ANKRD30BL: variants seen among roughly 807,000 people sequenced by gnomAD.
ANKRD30BL encodes putative ankyrin repeat domain-containing protein 30B-like.
A neutral mutation model predicts 18.4 loss-of-function variants in ANKRD30BL; 20 were observed. That is an observed-to-expected ratio of 1.09 (90% CI 0.77 to 1.58). The LOEUF is 1.58. Among genes scored for constraint, ANKRD30BL ranks in the 40% most tolerant of loss-of-function variants. ANKRD30BL has a pLI of 0.00. For synonymous variants in ANKRD30BL, 72 were observed against 100.9 expected, an observed-to-expected ratio of 0.71 and a Z score of 1.72; for missense variants, 224 against 268.6, an observed-to-expected ratio of 0.83 and a Z score of 1.16.
intron 1 of ANKRD30BL, among the ~76,000 whole-genome samples, chr2:132,185,854 A>G (rs908962723): frequency 3.9e-5 from 6 of 152,196 alleles, no homozygotes; most frequent in African/African-American, 7.2e-5. Flanking sequence ...AAATAATTAA[A>G]AAAGAGCCAG....
chr2:132,253,757 A>G (rs1033602395), intron 1 of ANKRD30BL, among the ~76,000 whole-genome samples: 1 of 145,700 alleles, frequency 6.9e-6, no homozygotes, highest in Admixed American at 6.8e-5. Flanking sequence ...GGGTCCTTAA[A>G]CCTCTGCACC....
intron 1 of ANKRD30BL, among the ~76,000 whole-genome samples, chr2:132,250,900 C>T (rs1680632221): frequency 6.6e-6 from 1 of 152,104 alleles, no homozygotes; most frequent in African/African-American, 2.4e-5. Context: ...TATTCAATCA[C>T]TTTTCATTTT....
chr2:132,221,016 C>A (rs1478448684), intron 1 of ANKRD30BL, among the ~76,000 whole-genome samples: 1 of 145,542 alleles, frequency 6.9e-6, no homozygotes, highest in African/African-American at 2.6e-5. Flanking sequence ...GCCCCGCCGC[C>A]CTGTCTGGGA....
intron 1 of ANKRD30BL, among the ~76,000 whole-genome samples, chr2:132,249,125 G>C (rs112746343): frequency 3.3e-5 from 5 of 152,118 alleles, no homozygotes; most frequent in Admixed American, 1.3e-4. Flanking sequence ...TTTATGTGAA[G>C]ATATTTCCTT....
At chr2:132,220,860 G>A (rs1315242793) in intron 1 of ANKRD30BL, among the ~76,000 whole-genome samples, 1 of 150,482 alleles carries the variant, frequency 6.6e-6, no homozygotes, top group African/African-American at 2.4e-5. Flanking sequence ...CTGCCTGGCT[G>A]CCCAGTCTGG....
chr2:132,175,714 G>A (rs1319530793), intron 1 of ANKRD30BL, among the ~76,000 whole-genome samples: 2 of 152,202 alleles, frequency 1.3e-5, no homozygotes, highest in Non-Finnish European at 2.9e-5. Context: ...AGGTCCCTGC[G>A]GCTTTCCGCA....
chr2:132,231,314 G>A (rs896486557), intron 1 of ANKRD30BL, among the ~76,000 whole-genome samples: 1 of 152,134 alleles, frequency 6.6e-6, no homozygotes, highest in Non-Finnish European at 1.5e-5. Context: ...CATTGAAAAC[G>A]GGAATGTCGA....
chr2:132,234,755 G>T (rs1169224149), intron 1 of ANKRD30BL, among the ~76,000 whole-genome samples: 1 of 152,074 alleles, frequency 6.6e-6, no homozygotes, highest in Non-Finnish European at 1.5e-5. Flanking sequence ...TCTACCAGAG[G>T]TACAAGGAGG....
chr2:132,233,932 G>T (rs1680085455), intron 1 of ANKRD30BL, among the ~76,000 whole-genome samples: 1 of 152,020 alleles, frequency 6.6e-6, no homozygotes, highest in South Asian at 2.1e-4. Context: ...CCACACAGTT[G>T]GAAGTAAAGC....
At chr2:132,218,443 G>C (rs1679572395) in intron 1 of ANKRD30BL, among the ~76,000 whole-genome samples, 1 of 150,712 alleles carries the variant, frequency 6.6e-6, no homozygotes, top group African/African-American at 2.4e-5. Context: ...GAGGCCTATG[G>C]TGGAAAAGGT....
chr2:132,221,118 C>T lies in ANKRD30BL; in HGVS notation n.441+36411G>A, dbSNP rs578059654. ...CCCGTCTGAGAAGTGAGGAGCCCCT[C>T]CGTCCAGCAGCCACCCCGTCTGGGA... is the stretch of plus-strand genomic sequence containing the variant. On this transcript the variant is annotated intron_variant and non_coding_transcript_variant, in intron 1 of 4. Transcript: ENST00000470729. 2.6e-4 allele frequency among the ~76,000 whole-genome samples: 39 copies of T among 148,324 alleles called. No homozygotes were observed. The South Asian group carries it at 4.6e-3, about 17-fold the overall frequency.
intron 1 of ANKRD30BL, among the ~76,000 whole-genome samples, chr2:132,251,184 CAGGGATGTCTT>C (rs1680638077): frequency 6.6e-6 from 1 of 152,154 alleles, no homozygotes; most frequent in African/African-American, 2.4e-5. Flanking sequence ...GCAAAAGGTA[CAGGGATGTCTT>C]AGGTACTCTT....
intron 1 of ANKRD30BL, among the ~76,000 whole-genome samples, chr2:132,176,937 A>G (rs1346896765): frequency 2.6e-5 from 4 of 152,196 alleles, no homozygotes; most frequent in Non-Finnish European, 4.4e-5. Context: ...TGTTTACATT[A>G]CTAAGGTCTT....
chr2:132,210,211 T>C (rs149121129), intron 1 of ANKRD30BL, among the ~76,000 whole-genome samples: 1 of 151,726 alleles, frequency 6.6e-6, no homozygotes, highest in African/African-American at 2.4e-5. Context: ...ACATAAAAAC[T>C]AGACAGAAGC....
intron 1 of ANKRD30BL, among the ~76,000 whole-genome samples, chr2:132,181,915 CA>C (rs1408869294): frequency 6.6e-6 from 1 of 151,916 alleles, no homozygotes; most frequent in Non-Finnish European, 1.5e-5. Flanking sequence ...AGTTTGAGAC[CA>C]GCCTGACCAA....
Position 132,222,832 on chromosome 2 carries a change from T to TAAAAAAAAAAAAAAAAAAA in ANKRD30BL, n.441+34678_441+34696dup, listed in dbSNP as rs71001178. Among the ~76,000 whole-genome samples the TAAAAAAAAAAAAAAAAAAA allele has an allele frequency of 3.8e-5, 2 of 52,812 alleles. 1 individual carries two copies. The highest frequency in any genetic ancestry group is 7.5e-5 in the Non-Finnish European group (2 of 26,662). 34.6% of individuals were successfully genotyped at this position (52,812 alleles called of 152,430 possible). A position where few individuals can be genotyped will look rare whatever the true frequency, so the allele number is the denominator to read the frequency against. ...GTGAGAAACAGCCAAGAATGATCAA[T>TAAAAAAAAAAAAAAAAAAA]AAAAAAAAAAAAAAAAAAAAAAAAA... On this transcript the variant is annotated intron_variant and non_coding_transcript_variant, in intron 1 of 4. Transcript: ENST00000470729.
chr2:132,231,237 A>T (rs1022838196), intron 1 of ANKRD30BL, among the ~76,000 whole-genome samples: 2 of 152,146 alleles, frequency 1.3e-5, no homozygotes, highest in Non-Finnish European at 2.9e-5. Flanking sequence ...ACTTTCTTTG[A>T]TAGAGCAGTT....
chr2:132,247,271 A>C, intron 1 of ANKRD30BL, among the ~76,000 whole-genome samples: 1 of 151,944 alleles, frequency 6.6e-6, no homozygotes, highest in Non-Finnish European at 1.5e-5. Context: ...TAGTATCTGG[A>C]AGTGGATATT....
chr2:132,236,379 A>G (rs113539798), intron 1 of ANKRD30BL, among the ~76,000 whole-genome samples: 1 of 152,148 alleles, frequency 6.6e-6, no homozygotes, highest in African/African-American at 2.4e-5. Flanking sequence ...TACTCATCTG[A>G]CAAAGGGCTA....
Sources: gnomAD v4.1 joint callset for allele counts (sites outside exome capture counted in the v4.1 genomes callset) on GRCh38, gnomAD v4.1.1 for gene constraint, MANE v1.5 for transcripts, NCBI Gene and HGNC (gene_info 2026-07-23, HGNC 2026-07-21) for gene names.